CMSS1: variants seen among roughly 807,000 people sequenced by gnomAD.
CMSS1 encodes the protein cms1 ribosomal small subunit homolog.
CMSS1 carries 33 observed loss-of-function variants against 43.5 expected under a neutral mutation model. The observed-to-expected ratio is 0.76, with a 90% CI of 0.57 to 1.01. CMSS1 has a LOEUF of 1.01. CMSS1 is among the 50% of genes least tolerant of loss of function. CMSS1 has a pLI of 0.00. For missense variants in CMSS1, 313 were observed against 326.4 expected (o/e 0.96, Z 0.32); for synonymous variants, 115 against 117.2 (o/e 0.98, Z 0.12).
chr3:100,089,961 G>A (rs576152774), intron 1 of CMSS1, among the ~76,000 whole-genome samples: 2 of 152,290 alleles, frequency 1.3e-5, no homozygotes, highest in East Asian at 3.9e-4. Flanking sequence ...CAAAATTGGA[G>A]GGAGGAAATA....
intron 1 of CMSS1, among the ~76,000 whole-genome samples, chr3:100,141,999 A>G (rs2066809446): frequency 6.6e-6 from 1 of 152,182 alleles, no homozygotes; most frequent in South Asian, 2.1e-4. Flanking sequence ...TAGCATCCTT[A>G]CTTCAGAAAA....
At chr3:99,994,537 C>G (rs1377740491) in intron 1 of CMSS1, among the ~76,000 whole-genome samples, 2 of 152,172 alleles carry the variant, frequency 1.3e-5, no homozygotes, top group East Asian at 3.8e-4. Flanking sequence ...CAAATATCTT[C>G]TCAGAACACA....
intron 1 of CMSS1, among the ~76,000 whole-genome samples, chr3:100,092,042 C>T (rs534771526): frequency 1.3e-5 from 2 of 152,158 alleles, no homozygotes; most frequent in Admixed American, 6.5e-5. Context: ...AATGGGGTTG[C>T]GGATATTAAT....
chr3:100,122,724 A>G (rs1204099742), intron 1 of CMSS1, among the ~76,000 whole-genome samples: 2 of 152,220 alleles, frequency 1.3e-5, no homozygotes, highest in East Asian at 1.9e-4. Flanking sequence ...TTTTAAAGCA[A>G]TAGTTTTGAA....
At chr3:99,943,882 G>A (rs1410816703) in intron 1 of CMSS1, among the ~76,000 whole-genome samples, 1 of 152,136 alleles carries the variant, frequency 6.6e-6, no homozygotes, top group African/African-American at 2.4e-5. Flanking sequence ...GTCCAAATTG[G>A]GTCAAACTAC....
At chr3:100,168,565 C>A (rs1177917883) in intron 6 of CMSS1, among the ~76,000 whole-genome samples, 2 of 152,002 alleles carry the variant, frequency 1.3e-5, no homozygotes, top group Non-Finnish European at 2.9e-5. Flanking sequence ...ATGGAATATA[C>A]TTACCAAAAC....
intron 1 of CMSS1, among the ~76,000 whole-genome samples, chr3:100,092,699 G>T (rs1313789240): frequency 6.8e-6 from 1 of 147,680 alleles, no homozygotes; most frequent in Non-Finnish European, 1.5e-5. Context: ...ATTATTTTAG[G>T]TTCTCCCTTT....
intron 1 of CMSS1, among the ~76,000 whole-genome samples, chr3:99,949,513 T>C (rs954280599): frequency 3.9e-5 from 6 of 152,200 alleles, no homozygotes; most frequent in Admixed American, 1.3e-4. Context: ...GCAATTTTAC[T>C]CGCAGTACGT....
chr3:99,920,611 A>G (rs1707095169), intron 1 of CMSS1, among the ~76,000 whole-genome samples: 1 of 152,206 alleles, frequency 6.6e-6, no homozygotes, highest in Non-Finnish European at 1.5e-5. Flanking sequence ...CAGCTAAGGA[A>G]ACTTTGCATT....
At chr3:100,007,218 A>G (rs769581026) in intron 1 of CMSS1, among the ~76,000 whole-genome samples, 5 of 152,130 alleles carry the variant, frequency 3.3e-5, no homozygotes, top group African/African-American at 4.8e-5. Flanking sequence ...TTTTCTCTTC[A>G]TGACCATGAA....
intron 1 of CMSS1, among the ~76,000 whole-genome samples, chr3:99,949,087 CA>C (rs1030106576): frequency 9.2e-5 from 14 of 151,522 alleles, no homozygotes; most frequent in Non-Finnish European, 1.8e-4. Context: ...GAGTAAATTC[CA>C]AAAAAAATTG....
At chr3:99,894,179 G>GA (rs1170813266) in intron 1 of CMSS1, among the ~76,000 whole-genome samples, 1 of 152,198 alleles carries the variant, frequency 6.6e-6, no homozygotes, top group East Asian at 1.9e-4. Flanking sequence ...GGTATTAATA[G>GA]AAAAGGAGAT....
intron 1 of CMSS1, among the ~76,000 whole-genome samples, chr3:99,983,490 ATATATATATATATATATATG>A (rs1709229146): frequency 8.0e-5 from 2 of 24,888 alleles, no homozygotes; most frequent in African/African-American, 1.1e-4. Context: ...ATATATATAT[ATATATATATATATATATATG>A]TATATATATA....
chr3:100,140,369 G>A (rs567894558), intron 1 of CMSS1, among the ~76,000 whole-genome samples: 1 of 151,970 alleles, frequency 6.6e-6, no homozygotes, highest in South Asian at 2.1e-4. Flanking sequence ...TCCAGTCTCT[G>A]GTCACTACTG....
intron 1 of CMSS1, chr3:99,850,844 C>T (rs754314472): frequency 6.2e-7 from 1 of 1,614,188 alleles, no homozygotes; most frequent in Non-Finnish European, 8.5e-7. Flanking sequence ...ACTCTGGCTT[C>T]AGCAAGGGCT....
chr3:99,884,113 T>C (rs761576080), intron 1 of CMSS1, among the ~76,000 whole-genome samples: 2 of 152,200 alleles, frequency 1.3e-5, no homozygotes, highest in African/African-American at 2.4e-5. Context: ...TTATAGTTCA[T>C]GGAACTAAGA....
intron 1 of CMSS1, among the ~76,000 whole-genome samples, chr3:99,832,108 A>G (rs886114014): frequency 2.0e-5 from 3 of 152,064 alleles, no homozygotes; most frequent in East Asian, 1.9e-4. Context: ...ACTTGTTTCT[A>G]CACCATTGAT....
intron 1 of CMSS1, among the ~76,000 whole-genome samples, chr3:99,954,259 A>G (rs1025326044): frequency 1.3e-5 from 2 of 152,248 alleles, no homozygotes; most frequent in South Asian, 4.1e-4. Flanking sequence ...AGCCCAGGTC[A>G]TCTAATTCCA....
At chr3:99,909,435 G>A (rs1264713490) in intron 1 of CMSS1, among the ~76,000 whole-genome samples, 3 of 152,114 alleles carry the variant, frequency 2.0e-5, no homozygotes, top group Admixed American at 1.3e-4. Context: ...TGGAGTCATG[G>A]TATCAAAAGG....
Sources: gnomAD v4.1 joint callset for allele counts (sites outside exome capture counted in the v4.1 genomes callset) on GRCh38, gnomAD v4.1.1 for gene constraint, MANE v1.5 for transcripts, NCBI Gene and HGNC (gene_info 2026-07-23, HGNC 2026-07-21) for gene names.